Variants in NDC1 observed in about 807,000 individuals in gnomAD.
NDC1 encodes the protein NDC1 transmembrane nucleoporin.
A neutral mutation model predicts 89.8 loss-of-function variants in NDC1; 24 were observed. That is an observed-to-expected ratio of 0.27 (90% CI 0.19 to 0.38). NDC1 has a LOEUF of 0.38. Ranked by LOEUF, NDC1 falls within the 10% of genes least tolerant of loss-of-function variation. The pLI is 1.00. For missense variants in NDC1, 728 were observed against 797.6 expected (o/e 0.91, Z 1.05); for synonymous variants, 296 against 284.8 (o/e 1.04, Z -0.39).
intron 14 of NDC1, among the ~76,000 whole-genome samples, chr1:53,792,190 C>T (rs951223883): frequency 1.3e-5 from 2 of 152,124 alleles, no homozygotes; most frequent in Admixed American, 1.3e-4. Flanking sequence ...GATCCGCCCG[C>T]CTTGGCCTCC....
intron 6 of NDC1, among the ~76,000 whole-genome samples, chr1:53,812,096 G>A (rs1234533389): frequency 1.3e-5 from 2 of 152,174 alleles, no homozygotes; most frequent in African/African-American, 2.4e-5. Flanking sequence ...TGGGACAAAA[G>A]AATGTGAACA....
intron 9 of NDC1, 39 bp downstream of exon 9, chr1:53,806,386 G>C: frequency 7.5e-7 from 1 of 1,330,236 alleles, no homozygotes; most frequent in Non-Finnish European, 1.0e-6. Context: ...AATAAAGTTA[G>C]AGAAAACTGT....
intron 16 of NDC1, among the ~76,000 whole-genome samples, chr1:53,772,771 A>G (rs1647128601): frequency 6.6e-6 from 1 of 152,128 alleles, no homozygotes; most frequent in Non-Finnish European, 1.5e-5. Context: ...ATAAAAAATT[A>G]AAAAGAAAAA....
At chr1:53,835,709 CACTA>C in intron 1 of NDC1, 89 bp from the exon 2 acceptor site, 1 of 1,118,252 alleles carries the variant, frequency 8.9e-7, no homozygotes, top group Non-Finnish European at 1.3e-6. Context: ...GGATGTTAAC[CACTA>C]ACTCAGATCA....
chr1:53,826,794 A>G (rs762826235), intron 4 of NDC1, among the ~76,000 whole-genome samples: 7 of 152,200 alleles, frequency 4.6e-5, no homozygotes, highest in Non-Finnish European at 1.0e-4. Flanking sequence ...ATCTAACTCC[A>G]TGAGAGGTAA....
intron 3 of NDC1, among the ~76,000 whole-genome samples, chr1:53,830,530 G>A (rs1216606937): frequency 2.0e-5 from 3 of 152,200 alleles, no homozygotes; most frequent in East Asian, 1.9e-4. Context: ...GAAATTTTAC[G>A]CCAGATTTTA....
intron 14 of NDC1, among the ~76,000 whole-genome samples, chr1:53,789,830 G>A (rs987707411): frequency 6.6e-6 from 1 of 151,728 alleles, no homozygotes; most frequent in African/African-American, 2.4e-5. Flanking sequence ...TTGGCTAGGC[G>A]TGGTGGCTCA....
intron 9 of NDC1, among the ~76,000 whole-genome samples, chr1:53,804,580 A>G (rs1648041653): frequency 6.6e-6 from 1 of 152,014 alleles, no homozygotes; most frequent in Non-Finnish European, 1.5e-5. Flanking sequence ...GGGTTCAAGC[A>G]ATTCTCCTGC....
intron 14 of NDC1, 26 bp from the exon 15 acceptor site, chr1:53,789,222 A>G (rs533206467): frequency 1.3e-6 from 2 of 1,544,608 alleles, no homozygotes; most frequent in African/African-American, 1.4e-5. Context: ...AAAACATTCA[A>G]GTGAATTCCC....
chr1:53,777,664 C>T (rs900434715), intron 16 of NDC1, among the ~76,000 whole-genome samples: 1 of 152,120 alleles, frequency 6.6e-6, no homozygotes, highest in African/African-American at 2.4e-5. Context: ...ACTTTAATTG[C>T]CTTATCCTCA....
At chr1:53,811,487 A>C in intron 6 of NDC1, among the ~76,000 whole-genome samples, 1 of 152,164 alleles carries the variant, frequency 6.6e-6, no homozygotes, top group South Asian at 2.1e-4. Flanking sequence ...GAGGCCTGTG[A>C]CTGCCACTTT....
At chr1:53,814,207 T>C (rs1387978922) in intron 6 of NDC1, among the ~76,000 whole-genome samples, 1 of 151,990 alleles carries the variant, frequency 6.6e-6, no homozygotes, top group Non-Finnish European at 1.5e-5. Context: ...CAAAAAAATG[T>C]AGCCGGGCGT....
rs183691855 is a variant in NDC1, at chr1:53,815,954, C to T, written c.703+3017G>A. 2.5e-4 allele frequency among the ~76,000 whole-genome samples: 38 copies of T among 152,116 alleles called. No individual in the cohort carries two copies. The East Asian group carries it at 4.4e-3, about 18-fold the overall frequency. On this transcript the variant is annotated intron_variant, in intron 6 of 17. Transcript: ENST00000371429. ...AACATTGCTGAAAGAAATCAGGCAACGCAAACAAATGGAAACACATCCCAT... is the reference window on the plus strand; with the variant it reads ...AACATTGCTGAAAGAAATCAGGCAATGCAAACAAATGGAAACACATCCCAT...
At chr1:53,772,695 A>ACATAT (rs1240964509) in intron 16 of NDC1, among the ~76,000 whole-genome samples, 23 of 151,720 alleles carry the variant, frequency 1.5e-4, no homozygotes, top group Non-Finnish European at 5.9e-5. Flanking sequence ...ACATAACATA[A>ACATAT]CATAACATAA....
At chr1:53,821,721 A>C (rs554562958) in intron 5 of NDC1, among the ~76,000 whole-genome samples, 1 of 152,320 alleles carries the variant, frequency 6.6e-6, no homozygotes, top group Non-Finnish European at 1.5e-5. Context: ...GGCAGAAAAC[A>C]CCATTTCCCC....
At chr1:53,825,980 T>C in intron 4 of NDC1, 44 bp from the exon 5 acceptor site, 2 of 1,593,722 alleles carry the variant, frequency 1.3e-6, no homozygotes, top group East Asian at 2.2e-5. Context: ...GTCAGGGACA[T>C]GTATCACTGT....
intron 1 of NDC1, 135 bp downstream of exon 1, chr1:53,838,070 A>G (rs952958730): frequency 1.3e-6 from 1 of 770,972 alleles, no homozygotes; most frequent in Non-Finnish European, 2.1e-6. Flanking sequence ...CAGTCCCCCA[A>G]GTGGTGCCTT....
chr1:53,803,992 G>C lies in NDC1; in HGVS notation c.1002C>G (p.Asp334Glu), dbSNP rs1312926886. ...PPIIKYLALQ[D>E]LMLLSQYSPS... ...GAGAATATTGAGAAAGCAACATCAG[G>C]TCCTGCAAGGCTAAATACTAACAGG... The change falls in exon 10 of 18, where the codon GAC becomes GAG. Residue 334 changes from aspartate (D) to glutamate (E), a missense_variant. Transcript: ENST00000371429. 8 of 1,613,616 alleles carry C rather than the reference G, an allele frequency of 5.0e-6. No individual in the cohort carries two copies. The highest frequency in any genetic ancestry group is 6.8e-6 in the Non-Finnish European group (8 of 1,179,734).
intron 17 of NDC1, 72 bp from the exon 18 acceptor site, chr1:53,768,105 G>T: frequency 2.2e-6 from 2 of 897,200 alleles, no homozygotes; most frequent in Non-Finnish European, 3.3e-6. Flanking sequence ...ACAGAGCACA[G>T]AGACAATATT....
Sources: allele counts gnomAD v4.1 joint callset (sites outside exome capture counted in the v4.1 genomes callset), GRCh38; gene constraint gnomAD v4.1.1; transcripts MANE v1.5; gene names NCBI Gene and HGNC (gene_info 2026-07-23, HGNC 2026-07-21).